The following ANKS1A variants were observed in gnomAD, a reference collection of about 807,000 sequenced individuals.
ANKS1A encodes ankyrin repeat and sterile alpha motif domain containing 1A.
In ANKS1A, 55 loss-of-function variants were observed where a neutral mutation model predicts 120.3. The observed-to-expected ratio is 0.46, with a 90% confidence interval of 0.37 to 0.57. The LOEUF is 0.57. ANKS1A is among the 20% of genes least tolerant of loss of function. The pLI is 0.00. For synonymous variants in ANKS1A, 590 were observed against 604.7 expected (o/e 0.98, Z 0.36); for missense variants, 1,123 against 1,480.3 (o/e 0.76, Z 3.96).
intron 1 of ANKS1A, among the ~76,000 whole-genome samples, chr6:34,910,163 G>A (rs781721812): frequency 2.0e-5 from 3 of 152,236 alleles, no homozygotes; most frequent in South Asian, 2.1e-4. Context: ...GTACCAGTGA[G>A]TATGAAGAGG....
intron 1 of ANKS1A, among the ~76,000 whole-genome samples, chr6:34,912,282 A>G (rs1308396306): frequency 1.3e-5 from 2 of 152,232 alleles, no homozygotes; most frequent in African/African-American, 2.4e-5. Flanking sequence ...AGCATCTGTA[A>G]TTAGCATCAC....
At position 35,084,083 on chromosome 6, in the gene ANKS1A, T is replaced by G; in HGVS notation, c.2995-38T>G. On this transcript the variant is annotated intron_variant, in intron 20 of 23. Transcript: ENST00000360359. The surrounding 1 kb of genome is among the most constrained non-coding windows in gnomAD (Gnocchi z 4.8). ...GGGCAGGGGGTGCCAGAGGCATGCC[T>G]GAGCCTGAGAATTCCAGAACACGGC... The G allele has an allele frequency of 6.2e-7, 1 of 1,611,506 alleles. No homozygotes were observed. The highest frequency in any genetic ancestry group is 8.5e-7 in the Non-Finnish European group (1 of 1,178,446).
At position 35,023,853 on chromosome 6, in the gene ANKS1A, A is replaced by G. The variant is rs1020373410; in HGVS notation, c.2010+5794A>G. 1.6e-5 allele frequency: 3 copies of G among 188,632 alleles called. No individual in the cohort carries two copies. The Admixed American group carries it at 1.6e-4, about 10-fold the overall frequency. 11.7% of individuals were successfully genotyped at this position (188,632 alleles called of 1,614,324 possible). Reference sequence around the variant, plus strand: ...AATAAATCACTATTGAAATGGCATCACGTGAAGCTGCTCCTTCCACTGAAG... The same window carrying G: ...AATAAATCACTATTGAAATGGCATCGCGTGAAGCTGCTCCTTCCACTGAAG... On this transcript the variant is annotated intron_variant, in intron 11 of 23. Transcript: ENST00000360359.
At chr6:34,899,434 C>G (rs972038618) in intron 1 of ANKS1A, among the ~76,000 whole-genome samples, 2 of 151,624 alleles carry the variant, frequency 1.3e-5, no homozygotes. Flanking sequence ...ATCACTTGAG[C>G]CTAGGAGTTT....
chr6:34,993,142 G>A (rs1241842770), intron 9 of ANKS1A, among the ~76,000 whole-genome samples: 1 of 152,168 alleles, frequency 6.6e-6, no homozygotes, highest in East Asian at 1.9e-4. Flanking sequence ...TTGGTTTGCT[G>A]TTCTAATAAG....
At chr6:34,931,733 G>A (rs1768991652) in intron 1 of ANKS1A, among the ~76,000 whole-genome samples, 5 of 152,186 alleles carry the variant, frequency 3.3e-5, no homozygotes, top group Admixed American at 3.3e-4. Flanking sequence ...CCTTCATGGA[G>A]GATACCCCCT....
intron 1 of ANKS1A, among the ~76,000 whole-genome samples, chr6:34,890,374 G>A (rs1356827687): frequency 2.0e-5 from 3 of 152,200 alleles, no homozygotes; most frequent in South Asian, 2.1e-4. Flanking sequence ...ACAGGCGTGA[G>A]CCACCGCGCC....
chr6:35,030,399 T>C (rs1366044008), intron 11 of ANKS1A, among the ~76,000 whole-genome samples: 8 of 152,236 alleles, frequency 5.3e-5, no homozygotes, highest in Admixed American at 5.2e-4. Flanking sequence ...TTTTCTTTTG[T>C]GACTTGAAAA....
chr6:34,941,455 A>C (rs368190037), intron 1 of ANKS1A, among the ~76,000 whole-genome samples: 154 of 151,934 alleles, frequency 1.0e-3, no homozygotes, highest in African/African-American at 3.3e-3. Context: ...TTTTATAGAG[A>C]TAGGATTTAG....
chr6:34,934,776 G>A (rs763820382), intron 1 of ANKS1A, among the ~76,000 whole-genome samples: 3 of 152,152 alleles, frequency 2.0e-5, no homozygotes, highest in Non-Finnish European at 2.9e-5. Flanking sequence ...AGAACCTGTC[G>A]ACATCTCAGC....
At chr6:35,038,271 T>C in intron 11 of ANKS1A, 2 of 456,708 alleles carry the variant, frequency 4.4e-6, no homozygotes, top group African/African-American at 2.0e-5. Context: ...GTGGGTCCGC[T>C]GGCACATTGT....
intron 11 of ANKS1A, among the ~76,000 whole-genome samples, chr6:35,024,602 C>G (rs1197015494): frequency 6.6e-6 from 1 of 152,186 alleles, no homozygotes; most frequent in African/African-American, 2.4e-5. Context: ...TGGGAATGTC[C>G]TGGCTTTGTC....
At chr6:34,944,794 C>T (rs1267485269) in intron 1 of ANKS1A, among the ~76,000 whole-genome samples, 2 of 152,142 alleles carry the variant, frequency 1.3e-5, no homozygotes, top group Admixed American at 6.5e-5. Flanking sequence ...CTGTGTTGTT[C>T]AAGGGTCAGC....
At chr6:34,927,079 A>G (rs1377967301) in intron 1 of ANKS1A, among the ~76,000 whole-genome samples, 1 of 152,216 alleles carries the variant, frequency 6.6e-6, no homozygotes, top group Non-Finnish European at 1.5e-5. Flanking sequence ...TAAGGATTAA[A>G]TAATTGTAGA....
intron 1 of ANKS1A, among the ~76,000 whole-genome samples, chr6:34,957,265 C>A (rs1337978518): frequency 6.6e-6 from 1 of 152,170 alleles, no homozygotes. Context: ...CTGTGTCTGA[C>A]TGTTTCATGT....
intron 13 of ANKS1A, among the ~76,000 whole-genome samples, chr6:35,070,024 CAAAAAAAA>C (rs10667602): frequency 1.0e-5 from 1 of 95,526 alleles, no homozygotes; most frequent in Non-Finnish European, 2.0e-5. Context: ...AAGACTCTGT[CAAAAAAAA>C]AAAAAAAAAA....
intron 10 of ANKS1A, among the ~76,000 whole-genome samples, chr6:35,008,507 CT>C (rs1454651597): frequency 2.0e-5 from 3 of 152,338 alleles, no homozygotes; most frequent in Non-Finnish European, 4.4e-5. Context: ...CTGCACTGGA[CT>C]TTTCTCACCT....
chr6:35,079,690 C>G, intron 15 of ANKS1A, 22 bp downstream of exon 15: 1 of 1,613,992 alleles, frequency 6.2e-7, no homozygotes, highest in East Asian at 2.2e-5. Context: ...CTGCGTGGCC[C>G]GGCCTGGACT....
the ANKS1A span, among the ~76,000 whole-genome samples, chr6:35,096,963 A>T: frequency 6.6e-6 from 1 of 151,860 alleles, no homozygotes; most frequent in South Asian, 2.1e-4. Flanking sequence ...TCCTTCTAAG[A>T]TCTCTACTTT....
Sources: allele counts gnomAD v4.1 joint callset (sites outside exome capture counted in the v4.1 genomes callset), GRCh38; gene constraint gnomAD v4.1.1; non-coding constraint Gnocchi (gnomAD v3.1); transcripts MANE v1.5; gene names NCBI Gene and HGNC (gene_info 2026-07-23, HGNC 2026-07-21).